AP3B1: variants seen among roughly 807,000 people sequenced by gnomAD.
The protein encoded by AP3B1 is adaptor related protein complex 3 subunit beta 1, also known as AP-3 complex subunit beta-1.
AP3B1 carries 61 observed loss-of-function variants against 132.5 expected under a neutral mutation model. The observed-to-expected ratio is 0.46, with a 90% CI of 0.37 to 0.57. The LOEUF is 0.57. Ranked by LOEUF, AP3B1 falls within the 20% of genes least tolerant of loss-of-function variation. AP3B1 has a pLI of 0.00. For missense variants in AP3B1, 1,120 were observed against 1,289.4 expected (o/e 0.87, Z 2.01); for synonymous variants, 388 against 438.3 (o/e 0.89, Z 1.43).
chr5:78,280,412 A>G (rs1321077967), intron 1 of AP3B1, among the ~76,000 whole-genome samples: 1 of 152,240 alleles, frequency 6.6e-6, no homozygotes, highest in Non-Finnish European at 1.5e-5. Context: ...ATTACAGAAT[A>G]GTGTATTCCG....
chr5:78,144,579 T>C (rs1158709248), intron 14 of AP3B1, among the ~76,000 whole-genome samples: 1 of 151,892 alleles, frequency 6.6e-6, no homozygotes, highest in African/African-American at 2.4e-5. Flanking sequence ...TCTAATACTC[T>C]GTATCTGGAC....
chr5:78,206,174 A>C (rs1745497912), intron 7 of AP3B1, among the ~76,000 whole-genome samples: 1 of 152,112 alleles, frequency 6.6e-6, no homozygotes, highest in African/African-American at 2.4e-5. Context: ...CCATTATTTC[A>C]CTTATAAATT....
At chr5:78,080,393 T>C (rs1309636918) in intron 22 of AP3B1, among the ~76,000 whole-genome samples, 2 of 152,178 alleles carry the variant, frequency 1.3e-5, no homozygotes, top group Non-Finnish European at 2.9e-5. Context: ...CAGTATTCCA[T>C]TGTATATGCA....
intron 25 of AP3B1, chr5:78,015,793 T>A (rs1490702141): frequency 4.4e-6 from 2 of 449,772 alleles, no homozygotes; most frequent in Non-Finnish European, 4.0e-6. Context: ...TAATTTTAAG[T>A]ATGATAGGAT....
At chr5:78,172,427 TCTTCAGAGATTCAA>T (rs1452240274) in intron 11 of AP3B1, among the ~76,000 whole-genome samples, 1 of 152,272 alleles carries the variant, frequency 6.6e-6, no homozygotes, top group African/African-American at 2.4e-5. Context: ...GTTATTGGTC[TCTTCAGAGATTCAA>T]CTTCTTCCTC....
intron 19 of AP3B1, 94 bp downstream of exon 19, chr5:78,113,658 T>TC (rs967275094): frequency 2.8e-6 from 4 of 1,409,216 alleles, no homozygotes; most frequent in East Asian, 2.3e-5. Context: ...ACACTTTTTT[T>TC]CTCTCACCAT....
intron 2 of AP3B1, among the ~76,000 whole-genome samples, chr5:78,242,043 T>C (rs564592203): frequency 2.0e-5 from 3 of 152,322 alleles, no homozygotes; most frequent in South Asian, 4.1e-4. Flanking sequence ...CCTCTTCCTA[T>C]CCATAATGTA....
At chr5:78,118,158 G>T (rs185034942) in intron 17 of AP3B1, among the ~76,000 whole-genome samples, 1 of 152,186 alleles carries the variant, frequency 6.6e-6, no homozygotes, top group Non-Finnish European at 1.5e-5. Flanking sequence ...TTAGTCTGGT[G>T]CACATTTGAC....
chr5:78,259,274 A>G (rs1297506260), intron 2 of AP3B1, among the ~76,000 whole-genome samples: 1 of 151,714 alleles, frequency 6.6e-6, no homozygotes, highest in African/African-American at 2.4e-5. Flanking sequence ...AGAAAGAAAG[A>G]CAAACATTTC....
chr5:78,213,809 CAAT>C (rs1437833131), intron 7 of AP3B1, among the ~76,000 whole-genome samples: 16 of 152,254 alleles, frequency 1.1e-4, no homozygotes, highest in African/African-American at 3.9e-4. Context: ...ACAACAACAA[CAAT>C]AATAGGAATC....
Position 78,164,299 on chromosome 5 carries a change from T to C in AP3B1, c.1230+1311A>G, listed in dbSNP as rs554907650. ...AAAAATGAATACATGAAAAAAATACTTAAAAGTTTGACTGAAAAATGGACC... is the reference window on the plus strand; with the variant it reads ...AAAAATGAATACATGAAAAAAATACCTAAAAGTTTGACTGAAAAATGGACC... On this transcript the variant is annotated intron_variant, in intron 12 of 26. Transcript: ENST00000255194. Among the ~76,000 whole-genome samples, 19 of 152,132 alleles carry C rather than the reference T, an allele frequency of 1.2e-4. No homozygotes were observed. In the South Asian group the frequency reaches 3.9e-3, roughly 32 times the overall value.
At chr5:78,257,468 G>C (rs796440438) in intron 2 of AP3B1, among the ~76,000 whole-genome samples, 9 of 152,190 alleles carry the variant, frequency 5.9e-5, no homozygotes, top group African/African-American at 2.2e-4. Context: ...AACCAAAGAA[G>C]TGAACTATCT....
chr5:78,277,981 G>A (rs904613969), intron 1 of AP3B1, among the ~76,000 whole-genome samples: 1 of 152,110 alleles, frequency 6.6e-6, no homozygotes, highest in Non-Finnish European at 1.5e-5. Context: ...CTCTTGGTAG[G>A]CAGCAGGAAG....
intron 3 of AP3B1, among the ~76,000 whole-genome samples, chr5:78,232,305 T>G (rs74465291): frequency 0.025 from 3,791 of 152,270 alleles, 181 homozygotes; most frequent in African/African-American, 0.084. Flanking sequence ...TTAAACCTGT[T>G]CTACAGAACA....
chr5:78,199,355 G>A (rs529249247), intron 7 of AP3B1, among the ~76,000 whole-genome samples: 143 of 151,974 alleles, frequency 9.4e-4, no homozygotes, highest in Non-Finnish European at 1.9e-3. Flanking sequence ...TAGGTCTAAG[G>A]GTTTCAAGAC....
chr5:78,152,513 T>C (rs531194882), intron 14 of AP3B1, among the ~76,000 whole-genome samples: 1 of 152,312 alleles, frequency 6.6e-6, no homozygotes, highest in South Asian at 2.1e-4. Context: ...TTCTGCAGTA[T>C]CAGTTATAAT....
At chr5:78,137,177 A>G (rs2112318006) in intron 15 of AP3B1, among the ~76,000 whole-genome samples, 1 of 152,304 alleles carries the variant, frequency 6.6e-6, no homozygotes, top group South Asian at 2.1e-4. Context: ...CTCTGGACAT[A>G]GTTAAACTCT....
intron 22 of AP3B1, chr5:78,041,897 G>T: frequency 5.2e-6 from 1 of 193,694 alleles, no homozygotes; most frequent in Non-Finnish European, 1.1e-5. Context: ...CACTCAGGCA[G>T]CTGCAGACTC....
chr5:78,195,825 A>G (rs1312904294), intron 7 of AP3B1, among the ~76,000 whole-genome samples: 2 of 152,026 alleles, frequency 1.3e-5, no homozygotes, highest in Non-Finnish European at 2.9e-5. Flanking sequence ...ATCTCAAAAA[A>G]TAAAAATAAA....
Sources: allele counts gnomAD v4.1 joint callset (sites outside exome capture counted in the v4.1 genomes callset), GRCh38; gene constraint gnomAD v4.1.1; transcripts MANE v1.5; gene names NCBI Gene and HGNC (gene_info 2026-07-23, HGNC 2026-07-21).